The following GSE1 variants were observed in gnomAD, a reference collection of about 807,000 sequenced individuals.
GSE1 encodes genetic suppressor element 1.
A neutral mutation model predicts 112.6 loss-of-function variants in GSE1; 32 were observed. That is an observed-to-expected ratio of 0.28 (90% CI 0.21 to 0.38). GSE1 has a LOEUF of 0.38. Among genes scored for constraint, GSE1 ranks in the 10% least tolerant of loss-of-function variants. GSE1 has a pLI of 1.00. For synonymous variants in GSE1, 1,115 were observed against 735.6 expected (o/e 1.52, Z -8.35); for missense variants, 2,348 against 1,699.2 (o/e 1.38, Z -6.71).
intron 2 of GSE1, among the ~76,000 whole-genome samples, chr16:85,384,730 C>T (rs920202352): frequency 6.6e-6 from 1 of 152,164 alleles, no homozygotes; most frequent in Admixed American, 6.5e-5. Context: ...TGATGAGCTC[C>T]AGCTAATGAA....
At position 85,311,909 on chromosome 16, in the gene GSE1, C is replaced by T. The variant is rs924512039; in HGVS notation, c.2284-45554C>T. 9.2e-5 allele frequency among the ~76,000 whole-genome samples: 14 copies of T among 152,170 alleles called. No individual in the cohort carries two copies. The highest frequency in any genetic ancestry group is 1.9e-4 in the Non-Finnish European group (13 of 68,026). ...GAGGGTTGTGAAGTCCCTGCCTTCC[C>T]GGGTTCCCTCCGCCGGCCCAGCACT... is the stretch of plus-strand genomic sequence containing the variant. On this transcript the variant is annotated intron_variant, in intron 1 of 2. Coordinates refer to the GSE1 transcript ENST00000637419. This position sits in a 1 kb window ranked among gnomAD's most constrained non-coding sequence, Gnocchi z 4.2.
intron 1 of GSE1, among the ~76,000 whole-genome samples, chr16:85,584,724 A>G (rs1251165115): frequency 1.3e-5 from 2 of 152,348 alleles, no homozygotes; most frequent in African/African-American, 4.8e-5. Flanking sequence ...GGGCTGAACG[A>G]TAAAATTCTT....
At chr16:85,655,947 C>T (rs1022859496) in intron 6 of GSE1, 30 bp downstream of exon 6, 3 of 1,554,006 alleles carry the variant, frequency 1.9e-6, no homozygotes, top group Admixed American at 1.7e-5. Flanking sequence ...AGGAGCCCCT[C>T]TGCCCTCCCT....
intron 1 of GSE1, among the ~76,000 whole-genome samples, chr16:85,286,328 G>T (rs991721600): frequency 6.6e-6 from 1 of 152,208 alleles, no homozygotes; most frequent in Non-Finnish European, 1.5e-5. Flanking sequence ...ACATTTATTC[G>T]AGGGAATGTA....
intron 8 of GSE1, 85 bp from the exon 9 acceptor site, chr16:85,661,061 C>G (rs2052386800): frequency 7.4e-7 from 1 of 1,352,086 alleles, no homozygotes; most frequent in African/African-American, 1.5e-5. Context: ...TCTGTGTCAT[C>G]TTAGGAGCGG....
intron 1 of GSE1, among the ~76,000 whole-genome samples, chr16:85,175,203 C>A (rs373025879): frequency 5.9e-5 from 9 of 152,278 alleles, no homozygotes; most frequent in African/African-American, 1.9e-4. Context: ...TGCACTTTTC[C>A]CTCCAGCTGG....
intron 1 of GSE1, among the ~76,000 whole-genome samples, chr16:85,217,895 A>T (rs2075330677): frequency 6.6e-6 from 1 of 151,744 alleles, no homozygotes; most frequent in South Asian, 2.1e-4. Context: ...TTCCAACAGA[A>T]ATTTATTTTT....
At chr16:85,200,537 C>G (rs1035857630) in intron 1 of GSE1, among the ~76,000 whole-genome samples, 2 of 152,162 alleles carry the variant, frequency 1.3e-5, no homozygotes, top group Non-Finnish European at 2.9e-5. Flanking sequence ...GACCTGTCAG[C>G]TCTGGGCAGG....
chr16:85,461,611 T>C (rs918674545), intron 2 of GSE1, among the ~76,000 whole-genome samples: 1 of 152,146 alleles, frequency 6.6e-6, no homozygotes, highest in African/African-American at 2.4e-5. Context: ...AAACTTGACT[T>C]GTCATAAGAA....
At chr16:85,486,657 T>A (rs1337736087) in intron 2 of GSE1, among the ~76,000 whole-genome samples, 1 of 152,148 alleles carries the variant, frequency 6.6e-6, no homozygotes, top group African/African-American at 2.4e-5. Flanking sequence ...ACTCCTGCCC[T>A]GGCGAGGATG....
intron 1 of GSE1, among the ~76,000 whole-genome samples, chr16:85,331,685 G>GTGTA (rs1428139610): frequency 4.5e-5 from 2 of 44,242 alleles, no homozygotes; most frequent in African/African-American, 1.1e-4. Flanking sequence ...GTGTGTGTGT[G>GTGTA]TATATATATA....
intron 2 of GSE1, among the ~76,000 whole-genome samples, chr16:85,368,017 T>C (rs559312492): frequency 1.8e-4 from 28 of 151,840 alleles, no homozygotes; most frequent in African/African-American, 6.8e-4. Flanking sequence ...GCCCGGCTAA[T>C]TGTGTTTTGT....
At chr16:85,177,384 A>C (rs1309790169) in intron 1 of GSE1, among the ~76,000 whole-genome samples, 1 of 152,188 alleles carries the variant, frequency 6.6e-6, no homozygotes, top group Non-Finnish European at 1.5e-5. Context: ...TCCCCCTTCT[A>C]GTGGGGACAC....
intron 1 of GSE1, among the ~76,000 whole-genome samples, chr16:85,201,380 G>T (rs559108297): frequency 2.7e-5 from 4 of 150,316 alleles, no homozygotes; most frequent in Non-Finnish European, 5.9e-5. Context: ...ACGTGAAGCC[G>T]GGCACGATGG....
chr16:85,598,191 T>TTTC (rs1268040446), intron 1 of GSE1, among the ~76,000 whole-genome samples: 22 of 140,990 alleles, frequency 1.6e-4, no homozygotes, highest in Middle Eastern at 3.6e-3. Context: ...TTTTTTTTTT[T>TTTC]CACTTTCTCA....
intron 1 of GSE1, among the ~76,000 whole-genome samples, chr16:85,356,016 G>A (rs2046944490): frequency 6.6e-6 from 1 of 152,170 alleles, no homozygotes; most frequent in African/African-American, 2.4e-5. Flanking sequence ...GACAGAGTGA[G>A]ACTCCATCTC....
At chr16:85,597,801 C>A (rs374198223) in intron 1 of GSE1, among the ~76,000 whole-genome samples, 1 of 152,196 alleles carries the variant, frequency 6.6e-6, no homozygotes, top group African/African-American at 2.4e-5. Flanking sequence ...GATGGGCCAG[C>A]CTCAGCCATT....
chr16:85,424,780 C>T (rs1039559699), intron 2 of GSE1, among the ~76,000 whole-genome samples: 6 of 152,272 alleles, frequency 3.9e-5, no homozygotes, highest in South Asian at 2.1e-4. Context: ...ACCCCCCTCA[C>T]CACCCCCTCT....
At chr16:85,521,951 C>A (rs1000978809) in intron 2 of GSE1, among the ~76,000 whole-genome samples, 1 of 152,248 alleles carries the variant, frequency 6.6e-6, no homozygotes, top group African/African-American at 2.4e-5. Context: ...GGGCCCCGCT[C>A]ACAGAAGCCA....
Sources: allele counts gnomAD v4.1 joint callset (sites outside exome capture counted in the v4.1 genomes callset), GRCh38; gene constraint gnomAD v4.1.1; non-coding constraint Gnocchi (gnomAD v3.1); transcripts MANE v1.5; gene names NCBI Gene and HGNC (gene_info 2026-07-23, HGNC 2026-07-21).